PTPRG: variants seen among roughly 807,000 people sequenced by gnomAD.
The protein encoded by PTPRG is protein tyrosine phosphatase receptor type G, also known as receptor-type tyrosine-protein phosphatase gamma.
Under a neutral mutation model 165.3 loss-of-function variants are expected in PTPRG, and 102 were observed. That is an observed-to-expected ratio of 0.62 (90% CI 0.53 to 0.73). PTPRG has a LOEUF of 0.73. Ranked by LOEUF, PTPRG falls within the 30% of genes least tolerant of loss-of-function variation. The pLI, the probability that PTPRG is intolerant of heterozygous loss-of-function variation, is 0.00. For synonymous variants in PTPRG, 675 were observed against 669.5 expected (o/e 1.01, Z -0.13); for missense variants, 1,866 against 1,861.4 (o/e 1.00, Z -0.05).
chr3:61,772,673 A>C (rs2107032208), intron 2 of PTPRG, among the ~76,000 whole-genome samples: 1 of 152,316 alleles, frequency 6.6e-6, no homozygotes, highest in Non-Finnish European at 1.5e-5. Flanking sequence ...TGTTTTTAAA[A>C]ATAACTGCAT....
intron 2 of PTPRG, among the ~76,000 whole-genome samples, chr3:61,800,332 C>G (rs1488235090): frequency 6.6e-6 from 1 of 151,816 alleles, no homozygotes; most frequent in African/African-American, 2.4e-5. Context: ...AGACAGAAAA[C>G]ACAAAAAAAA....
intron 5 of PTPRG, among the ~76,000 whole-genome samples, chr3:62,125,232 T>C (rs1018056097): frequency 5.9e-5 from 9 of 152,208 alleles, no homozygotes; most frequent in Middle Eastern, 3.2e-3. Context: ...ATGATAATCT[T>C]ACCTACTCCT....
chr3:62,153,798 C>G (rs1420318590), intron 6 of PTPRG, among the ~76,000 whole-genome samples: 1 of 152,196 alleles, frequency 6.6e-6, no homozygotes, highest in African/African-American at 2.4e-5. Context: ...ACACAGCTCA[C>G]AGATAGCGGA....
In PTPRG at chr3:62,271,068, G is replaced by A. The variant is rs1454939040; in HGVS notation, c.3010-315G>A. 2.0e-5 allele frequency among the ~76,000 whole-genome samples: 3 copies of A among 152,090 alleles called. No homozygotes were observed. Among genetic ancestry groups the A allele is most frequent in the Non-Finnish European group, 2.9e-5 (2 of 68,012 alleles). On this transcript the variant is annotated intron_variant, in intron 20 of 29. Coordinates refer to ENST00000474889, the MANE Select transcript of PTPRG (RefSeq NM_002841.4). This position sits in a 1 kb window ranked among gnomAD's most constrained non-coding sequence, Gnocchi z 4.1. Reference sequence around the variant, plus strand: ...ATCTGGACTTGGGGCAGAAAGTCAGGAAATGGAGGCCTTGCAGGAAAAGTA... The same window carrying A: ...ATCTGGACTTGGGGCAGAAAGTCAGAAAATGGAGGCCTTGCAGGAAAAGTA...
intron 13 of PTPRG, among the ~76,000 whole-genome samples, chr3:62,230,841 A>G (rs1031988199): frequency 6.6e-6 from 1 of 152,200 alleles, no homozygotes; most frequent in Non-Finnish European, 1.5e-5. Flanking sequence ...CTCCAAGTTC[A>G]CTTTACTCCA....
At chr3:61,762,317 G>A (rs1001540501) in intron 2 of PTPRG, among the ~76,000 whole-genome samples, 8 of 152,176 alleles carry the variant, frequency 5.3e-5, no homozygotes, top group Non-Finnish European at 8.8e-5. Context: ...TGCTGTGCCA[G>A]AAAGAACGAG....
chr3:62,117,482 T>A (rs182501911), intron 5 of PTPRG, among the ~76,000 whole-genome samples: 155 of 152,284 alleles, frequency 1.0e-3, no homozygotes, highest in African/African-American at 3.7e-3. Flanking sequence ...GTTTCTAGAT[T>A]TTTGGAGATT....
chr3:62,047,822 T>G (rs1008084205), intron 4 of PTPRG, among the ~76,000 whole-genome samples: 10 of 152,184 alleles, frequency 6.6e-5, no homozygotes, highest in Non-Finnish European at 1.2e-4. Flanking sequence ...AATCAGCTTT[T>G]CTCTTCCTTT....
chr3:61,687,329 G>T (rs1263134626), intron 1 of PTPRG, among the ~76,000 whole-genome samples: 1 of 152,318 alleles, frequency 6.6e-6, no homozygotes, highest in African/African-American at 2.4e-5. Flanking sequence ...ATAAGCAGTG[G>T]AGAGCATGTG....
chr3:61,940,694 C>A (rs544044271), intron 2 of PTPRG, among the ~76,000 whole-genome samples: 1 of 148,620 alleles, frequency 6.7e-6, no homozygotes, highest in East Asian at 2.0e-4. Context: ...GACAGAGTCT[C>A]GCTCTGTTGG....
intron 1 of PTPRG, among the ~76,000 whole-genome samples, chr3:61,657,097 G>T (rs1182587510): frequency 1.3e-5 from 2 of 152,170 alleles, no homozygotes; most frequent in African/African-American, 2.4e-5. Context: ...GGGGAAAACT[G>T]TATTTTTATG....
At chr3:61,644,596 C>G (rs181035774) in intron 1 of PTPRG, among the ~76,000 whole-genome samples, 1 of 152,214 alleles carries the variant, frequency 6.6e-6, no homozygotes, top group Non-Finnish European at 1.5e-5. Flanking sequence ...CCCACTGCCC[C>G]CTTTTTGTTC....
intron 2 of PTPRG, among the ~76,000 whole-genome samples, chr3:61,912,763 G>A (rs2038835672): frequency 6.6e-6 from 1 of 152,146 alleles, no homozygotes; most frequent in South Asian, 2.1e-4. Context: ...TAAAACATTT[G>A]AATTATGCAG....
At chr3:62,263,983 T>C in intron 17 of PTPRG, 1 of 152,222 alleles carries the variant, frequency 6.6e-6, no homozygotes, top group Non-Finnish European at 1.5e-5. Flanking sequence ...CTGTCTCTAC[T>C]AAAAATACAA....
At chr3:61,806,019 A>G (rs547602323) in intron 2 of PTPRG, among the ~76,000 whole-genome samples, 22 of 152,288 alleles carry the variant, frequency 1.4e-4, no homozygotes, top group South Asian at 4.1e-4. Flanking sequence ...AGATTTTAGT[A>G]TATGGTGACC....
At chr3:61,930,551 C>T (rs571185880) in intron 2 of PTPRG, among the ~76,000 whole-genome samples, 1 of 152,206 alleles carries the variant, frequency 6.6e-6, no homozygotes, top group African/African-American at 2.4e-5. Flanking sequence ...CTTCATCTGC[C>T]AGTTAAAGAC....
rs561785099 is a variant in PTPRG at position 62,030,797 on chromosome 3, C to G, written c.519+27300C>G. ...TAATTGTTCAAAAAACTGAACAAAA[C>G]AAGGAATTGTCATTGAATTCATTTG... is the stretch of plus-strand genomic sequence containing the variant. On this transcript the variant is annotated intron_variant, in intron 4 of 29. Coordinates refer to ENST00000474889, the MANE Select transcript of PTPRG (RefSeq NM_002841.4). Among the ~76,000 whole-genome samples the G allele has an allele frequency of 2.0e-5, 3 of 152,228 alleles. No homozygotes were observed. The South Asian group carries it at 6.2e-4, about 32-fold the overall frequency.
intron 2 of PTPRG, among the ~76,000 whole-genome samples, chr3:61,861,031 A>T (rs1035109604): frequency 6.6e-6 from 1 of 152,066 alleles, no homozygotes; most frequent in African/African-American, 2.4e-5. Flanking sequence ...TCATTTCAAG[A>T]TGTTGTATAA....
chr3:62,116,255 G>A (rs114262910), intron 5 of PTPRG, among the ~76,000 whole-genome samples: 24 of 152,220 alleles, frequency 1.6e-4, no homozygotes, highest in African/African-American at 5.8e-4. Context: ...GTATCAGGTA[G>A]GCCTTTTAGT....
Sources: gnomAD v4.1 joint callset for allele counts (sites outside exome capture counted in the v4.1 genomes callset) on GRCh38, gnomAD v4.1.1 for gene constraint, Gnocchi (gnomAD v3.1) non-coding constraint, MANE v1.5 for transcripts, NCBI Gene and HGNC (gene_info 2026-07-23, HGNC 2026-07-21) for gene names.